Variants in DENND10 observed in about 807,000 individuals in gnomAD.
DENND10 encodes the protein DENN domain containing 10, also known as DENN domain-containing protein 10.
DENND10 carries 24 observed loss-of-function variants against 43.6 expected under a neutral mutation model. That is an observed-to-expected ratio of 0.55 (90% CI 0.40 to 0.77). The LOEUF (loss-of-function observed/expected upper bound fraction) is 0.77. Ranked by LOEUF, DENND10 falls within the 30% of genes least tolerant of loss-of-function variation. The pLI, the probability that DENND10 is intolerant of heterozygous loss-of-function variation, is 0.00. For missense variants in DENND10, 303 were observed against 429.9 expected (o/e 0.70, Z 2.61); for synonymous variants, 125 against 157.6 (o/e 0.79, Z 1.55).
chr10:119,110,178 TG>T (rs1242558412), intron 2 of DENND10, among the ~76,000 whole-genome samples: 1 of 151,876 alleles, frequency 6.6e-6, no homozygotes, highest in African/African-American at 2.4e-5. Flanking sequence ...TTTTTGTTTT[TG>T]TTTTTTTTTT....
At chr10:119,135,803 A>AAAAAAAAAAAAAAAAAAAC (rs1589610565) in intron 8 of DENND10, among the ~76,000 whole-genome samples, 1 of 149,678 alleles carries the variant, frequency 6.7e-6, no homozygotes, top group East Asian at 1.9e-4. Flanking sequence ...AAAAAAAAAA[A>AAAAAAAAAAAAAAAAAAAC]AAAAAAAAAA....
At chr10:119,122,835 C>A (rs979556693) in intron 5 of DENND10, among the ~76,000 whole-genome samples, 2 of 147,134 alleles carry the variant, frequency 1.4e-5, no homozygotes, top group African/African-American at 5.0e-5. Context: ...CCCTTAGACT[C>A]CCTTTCCATG....
rs756367492 is a variant in DENND10 at position 119,129,639 on chromosome 10, G to A, written c.802+17G>A. On this transcript the variant is annotated intron_variant, in intron 7 of 8. Coordinates refer to ENST00000361432, the MANE Select transcript of DENND10 (RefSeq NM_207009.4). ...TTGCAAAAGGTTTGTTCTCTGTTCT[G>A]TTCTTGATACAAGATATAAGCCAAA... 3 of 1,539,232 alleles carry A rather than the reference G, an allele frequency of 1.9e-6. No homozygotes were observed. The Admixed American group carries it at 5.0e-5, about 26-fold the overall frequency.
intron 4 of DENND10, 47 bp from the exon 5 acceptor site, chr10:119,120,294 T>C (rs1374081719): frequency 8.8e-7 from 1 of 1,133,700 alleles, no homozygotes; most frequent in South Asian, 1.3e-5. Flanking sequence ...CTTTATTTCT[T>C]TGCATGATGT....
rs569856290 is a variant in DENND10, at chr10:119,132,897, G to A, written c.897+288G>A. On this transcript the variant is annotated intron_variant, in intron 8 of 8. Transcript: ENST00000361432. This position sits in a 1 kb window ranked among gnomAD's most constrained non-coding sequence, Gnocchi z 4.2. ...CAAGTGGTCTGGAAGGCTTTTCTGG[G>A]CCAGCCAGTGCATTCTTTCTTCCTA... 6.4e-5 allele frequency: 24 copies of A among 376,604 alleles called. No individual in the cohort carries two copies. In the East Asian group the frequency reaches 1.1e-3, roughly 18 times the overall value. The allele number at this position is 376,604 out of a possible 1,614,324, so 23.3% of individuals were successfully genotyped here.
chr10:119,128,889 A>G (rs1177328073), intron 6 of DENND10, among the ~76,000 whole-genome samples: 1 of 152,106 alleles, frequency 6.6e-6, no homozygotes, highest in Non-Finnish European at 1.5e-5. Context: ...CGCTCATAAG[A>G]AATCACCCCC....
chr10:119,131,908 G>A (rs951194960), intron 7 of DENND10, among the ~76,000 whole-genome samples: 3 of 152,202 alleles, frequency 2.0e-5, no homozygotes, highest in African/African-American at 7.2e-5. Context: ...GTTGCTCTGT[G>A]TCTATAAAAA....
At chr10:119,114,277 C>CAT (rs1845135005) in intron 3 of DENND10, 1 of 151,878 alleles carries the variant, frequency 6.6e-6, no homozygotes, top group Non-Finnish European at 1.5e-5. Context: ...CACACACACA[C>CAT]ACACACACAC....
intron 6 of DENND10, among the ~76,000 whole-genome samples, chr10:119,125,656 C>T (rs1048452871): frequency 1.3e-5 from 2 of 151,366 alleles, no homozygotes; most frequent in Non-Finnish European, 2.9e-5. Context: ...TACAGGTGTG[C>T]ACCACCATGC....
At chr10:119,117,738 C>A in intron 4 of DENND10, 71 bp downstream of exon 4, 1 of 1,451,280 alleles carries the variant, frequency 6.9e-7, no homozygotes, top group Non-Finnish European at 9.5e-7. Flanking sequence ...GAGGCCAAGG[C>A]GGGTGGATCA....
At chr10:119,104,426 C>T (rs1283375128) in intron 1 of DENND10, among the ~76,000 whole-genome samples, 1 of 151,410 alleles carries the variant, frequency 6.6e-6, no homozygotes, top group Admixed American at 6.6e-5. Flanking sequence ...GTGGGGCCTG[C>T]CCGGCCCGAG....
intron 3 of DENND10, among the ~76,000 whole-genome samples, chr10:119,116,398 T>C (rs1845275621): frequency 6.6e-6 from 1 of 152,200 alleles, no homozygotes; most frequent in South Asian, 2.1e-4. Context: ...TACAACTAAT[T>C]ACTGGTTTCT....
intron 3 of DENND10, among the ~76,000 whole-genome samples, chr10:119,112,320 G>T (rs774451356): frequency 6.6e-6 from 1 of 152,092 alleles, no homozygotes; most frequent in Non-Finnish European, 1.5e-5. Flanking sequence ...TTTGGGGAAA[G>T]AATTATGCCG....
At chr10:119,127,763 C>T (rs921735254) in intron 6 of DENND10, among the ~76,000 whole-genome samples, 2 of 152,074 alleles carry the variant, frequency 1.3e-5, no homozygotes, top group African/African-American at 4.8e-5. Flanking sequence ...GCTAGGATTA[C>T]AGGCATGAGC....
chr10:119,104,339 C>T (rs1844577159), intron 1 of DENND10, 142 bp downstream of exon 1: 7 of 735,138 alleles, frequency 9.5e-6, no homozygotes, highest in South Asian at 2.4e-5. Flanking sequence ...TGGGCCTGGA[C>T]TGGGGACTGC....
rs918222060 is a variant in DENND10, at chr10:119,128,860, T to G, written c.695-655T>G. ...GAGAACTCAATCACGAGAACCACAC[T>G]AAGAGGATGGTGCTAAACCGCTCAT... On this transcript the variant is annotated intron_variant, in intron 6 of 8. Coordinates refer to ENST00000361432, the MANE Select transcript of DENND10 (RefSeq NM_207009.4). Among the ~76,000 whole-genome samples, 3 of 151,980 alleles carry G rather than the reference T, an allele frequency of 2.0e-5. No individual in the cohort carries two copies. In the South Asian group the frequency reaches 6.2e-4, roughly 32 times the overall value.
rs541114772 is a variant in DENND10, at chr10:119,112,064, A to T, written c.332+136A>T. ...CATAATCTTTAGTAGCCCTTCACAG[A>T]CTGTAAAGACGGCCTTTCTCTTTTG... On this transcript the variant is annotated intron_variant, in intron 3 of 8. Coordinates refer to ENST00000361432, the MANE Select transcript of DENND10 (RefSeq NM_207009.4). The T allele has an allele frequency of 9.2e-5, 59 of 643,776 alleles. No homozygotes were observed. In the African/African-American group the frequency reaches 9.5e-4, roughly 10 times the overall value. The allele number at this position is 643,776 out of a possible 1,614,324, so 39.9% of individuals were successfully genotyped here. A position where few individuals can be genotyped will look rare whatever the true frequency, so the allele number is the denominator to read the frequency against.
intron 2 of DENND10, among the ~76,000 whole-genome samples, chr10:119,109,721 C>T (rs183731604): frequency 2.1e-4 from 32 of 151,362 alleles, no homozygotes; most frequent in Non-Finnish European, 2.8e-4. Flanking sequence ...CAGATTCAAG[C>T]GATTCTCCTG....
chr10:119,135,275 C>T (rs995212048), intron 8 of DENND10: 15 of 151,928 alleles, frequency 9.9e-5, no homozygotes, highest in Admixed American at 7.9e-4. Context: ...TTGACCAAAA[C>T]GTCATTATGT....
Sources: allele counts gnomAD v4.1 joint callset (sites outside exome capture counted in the v4.1 genomes callset), GRCh38; gene constraint gnomAD v4.1.1; non-coding constraint Gnocchi (gnomAD v3.1); transcripts MANE v1.5; gene names NCBI Gene and HGNC (gene_info 2026-07-23, HGNC 2026-07-21).